The following IGF2BP3 variants were observed in gnomAD, a reference collection of about 807,000 sequenced individuals.
IGF2BP3 encodes the protein insulin-like growth factor 2 mRNA-binding protein 3.
A neutral mutation model predicts 73.8 loss-of-function variants in IGF2BP3; 9 were observed. The observed-to-expected ratio is 0.12, with a 90% confidence interval of 0.07 to 0.21. The LOEUF (loss-of-function observed/expected upper bound fraction) is 0.21. Ranked by LOEUF, IGF2BP3 falls within the 10% of genes least tolerant of loss-of-function variation. The pLI is 1.00. For synonymous variants in IGF2BP3, 258 were observed against 256.7 expected, an observed-to-expected ratio of 1.01 and a Z score of -0.05; for missense variants, 542 against 714.0, an observed-to-expected ratio of 0.76 and a Z score of 2.75.
intron 10 of IGF2BP3, among the ~76,000 whole-genome samples, chr7:23,325,141 T>G (rs1356389818): frequency 1.3e-5 from 2 of 152,128 alleles, no homozygotes; most frequent in Non-Finnish European, 2.9e-5. Flanking sequence ...TGTCCCTGTT[T>G]GCAGATGACA....
chr7:23,453,082 C>T (rs1788239530), intron 2 of IGF2BP3, among the ~76,000 whole-genome samples: 1 of 152,160 alleles, frequency 6.6e-6, no homozygotes, highest in Non-Finnish European at 1.5e-5. Context: ...GAGCCGAGAT[C>T]GCGCCACTGC....
intron 3 of IGF2BP3, among the ~76,000 whole-genome samples, chr7:23,393,483 T>G (rs1389035135): frequency 1.3e-5 from 2 of 152,116 alleles, no homozygotes; most frequent in South Asian, 4.1e-4. Flanking sequence ...CTGTAGCAAG[T>G]ACTATGCTCA....
At chr7:23,459,768 T>C (rs768983388) in intron 2 of IGF2BP3, among the ~76,000 whole-genome samples, 23 of 151,642 alleles carry the variant, frequency 1.5e-4, no homozygotes, top group Admixed American at 2.6e-4. Flanking sequence ...GAGGAGGAGG[T>C]TGCAGTGAGC....
At chr7:23,315,948 T>C (rs1783977850) in intron 12 of IGF2BP3, among the ~76,000 whole-genome samples, 1 of 152,232 alleles carries the variant, frequency 6.6e-6, no homozygotes, top group Non-Finnish European at 1.5e-5. Context: ...TTGAAGTTCC[T>C]ATCATACAAA....
intron 2 of IGF2BP3, among the ~76,000 whole-genome samples, chr7:23,463,744 C>T (rs1788501558): frequency 6.6e-6 from 1 of 152,166 alleles, no homozygotes; most frequent in Non-Finnish European, 1.5e-5. Context: ...CAGTAGAAGC[C>T]ACTTATCAAC....
At chr7:23,351,870 A>G (rs1784971939) in intron 5 of IGF2BP3, among the ~76,000 whole-genome samples, 1 of 152,198 alleles carries the variant, frequency 6.6e-6, no homozygotes, top group Non-Finnish European at 1.5e-5. Flanking sequence ...ATAGAAAAAC[A>G]AAAAACATTT....
chr7:23,415,139 T>G (rs981346899), intron 3 of IGF2BP3: 1 of 192,532 alleles, frequency 5.2e-6, no homozygotes, highest in Non-Finnish European at 1.0e-5. Context: ...TACCAGGTCC[T>G]GTCTGTCAGT....
chr7:23,358,348 G>A (rs1350567854), intron 5 of IGF2BP3, among the ~76,000 whole-genome samples: 2 of 152,128 alleles, frequency 1.3e-5, no homozygotes, highest in Non-Finnish European at 2.9e-5. Context: ...TACCAGCATA[G>A]CCCTTTCACC....
At chr7:23,371,529 C>A (rs1562707542) in intron 3 of IGF2BP3, among the ~76,000 whole-genome samples, 2 of 152,122 alleles carry the variant, frequency 1.3e-5, no homozygotes, top group African/African-American at 4.8e-5. Context: ...GAAATATCCA[C>A]CTTAATGTAT....
At chr7:23,397,393 C>G (rs1389461118) in intron 3 of IGF2BP3, among the ~76,000 whole-genome samples, 1 of 152,236 alleles carries the variant, frequency 6.6e-6, no homozygotes, top group Non-Finnish European at 1.5e-5. Context: ...GTGTTGTCAA[C>G]TGTCAGTGTC....
chr7:23,392,433 C>A (rs953410229), intron 3 of IGF2BP3, among the ~76,000 whole-genome samples: 1 of 141,932 alleles, frequency 7.0e-6, no homozygotes, highest in African/African-American at 2.6e-5. Flanking sequence ...AGCTTATCAT[C>A]ATATATATAT....
intron 3 of IGF2BP3, among the ~76,000 whole-genome samples, chr7:23,367,735 T>C (rs1410134529): frequency 6.6e-6 from 1 of 152,026 alleles, no homozygotes; most frequent in Non-Finnish European, 1.5e-5. Flanking sequence ...GCGCGGTGGC[T>C]CACGCCTGTA....
chr7:23,383,957 G>A (rs1410639060), intron 3 of IGF2BP3, among the ~76,000 whole-genome samples: 2 of 151,958 alleles, frequency 1.3e-5, no homozygotes, highest in East Asian at 1.9e-4. Context: ...TTAGTCGGGC[G>A]TGGTGGTGGG....
intron 3 of IGF2BP3, among the ~76,000 whole-genome samples, chr7:23,381,383 C>T (rs1402157971): frequency 1.3e-5 from 2 of 152,138 alleles, no homozygotes; most frequent in East Asian, 1.9e-4. Flanking sequence ...TAGGCTACAC[C>T]CGTTTCTCAA....
At chr7:23,447,572 CGA>C (rs918989406) in intron 2 of IGF2BP3, among the ~76,000 whole-genome samples, 19 of 151,472 alleles carry the variant, frequency 1.3e-4, no homozygotes, top group African/African-American at 4.6e-4. Flanking sequence ...TGCAGCCAGC[CGA>C]GATCCCACCA....
chr7:23,468,380 C>G, intron 2 of IGF2BP3, 102 bp downstream of exon 2: 1 of 1,188,366 alleles, frequency 8.4e-7, no homozygotes, highest in African/African-American at 1.5e-5. Context: ...CCACGCCACA[C>G]GGCAGGGGGT....
chr7:23,412,500 T>C (rs184919485), intron 3 of IGF2BP3, among the ~76,000 whole-genome samples: 1 of 152,328 alleles, frequency 6.6e-6, no homozygotes, highest in Admixed American at 6.5e-5. Flanking sequence ...AAATCTTTGC[T>C]CGGAAAACAG....
chr7:23,425,604 C>T (rs535733058), intron 2 of IGF2BP3, among the ~76,000 whole-genome samples: 4 of 152,128 alleles, frequency 2.6e-5, no homozygotes, highest in East Asian at 1.9e-4. Flanking sequence ...GAACTCCTGG[C>T]CTCAAGCAAT....
In IGF2BP3 at chr7:23,313,634, C is replaced by T; in HGVS notation, c.1415G>A (p.Gly472Glu). The T allele has an allele frequency of 3.1e-6, 5 of 1,613,744 alleles. No homozygotes were observed. Among genetic ancestry groups the T allele is most frequent in the Non-Finnish European group, 2.5e-6 (3 of 1,179,908 alleles). Residue 472 changes from glycine (G) to glutamate (E), a missense_variant, in exon 13 of 15, where the codon GGA becomes GAA. Coordinates refer to ENST00000258729, the MANE Select transcript of IGF2BP3 (RefSeq NM_006547.3). ...AQFKAQGRIY[G>E]KIKEENFVSP... is the part of the protein sequence containing the mutation. ...AACAAAGTTTTCTTCTTTAATTTTT[C>T]CATAAATTCTTCCCTGAGCCTGCAG...
Sources: gnomAD v4.1 joint callset for allele counts (sites outside exome capture counted in the v4.1 genomes callset) on GRCh38, gnomAD v4.1.1 for gene constraint, MANE v1.5 for transcripts, NCBI Gene and HGNC (gene_info 2026-07-23, HGNC 2026-07-21) for gene names.